Variants in GOLGA8A observed in about 807,000 individuals in gnomAD.
The protein encoded by GOLGA8A is golgin A8 family member A, also known as golgin subfamily A member 8A.
A neutral mutation model predicts 22.1 loss-of-function variants in GOLGA8A; 3 were observed. The ratio of observed to expected loss-of-function variants is 0.14; its 90% CI spans 0.06 to 0.35. GOLGA8A has a LOEUF of 0.35. Among genes scored for constraint, GOLGA8A ranks in the 10% least tolerant of loss-of-function variants. The probability of loss-of-function intolerance (pLI) is 1.00; values close to 1 mark genes in which losing one functional copy is unlikely to be tolerated. For missense variants in GOLGA8A, 16 were observed against 233.2 expected (o/e 0.07, Z 6.07); for synonymous variants, 7 against 91.7 (o/e 0.08, Z 5.28).
chr15:34,437,354 C>A lies in GOLGA8A; in HGVS notation c.-1212+44G>T, dbSNP rs555322127. On this transcript the variant is annotated intron_variant, in intron 1 of 24. Coordinates refer to ENST00000359187, the MANE Select transcript of GOLGA8A (RefSeq NM_181077.5). The stretch of plus-strand genomic sequence containing the variant: ...CCGCGGCGCCGCGGGCGGCCCAAGG[C>A]TGCCGCCGCCAGCGAGTCAGGCAGC... 7.7e-5 allele frequency: 11 copies of A among 143,086 alleles called. No individual in the cohort carries two copies. The East Asian group carries it at 2.3e-3, about 30-fold the overall frequency. 8.9% of individuals were successfully genotyped at this position (143,086 alleles called of 1,614,324 possible).
chr15:34,437,048 C>T (rs1413568360), intron 1 of GOLGA8A, among the ~76,000 whole-genome samples: 1 of 148,672 alleles, frequency 6.7e-6, no homozygotes, highest in African/African-American at 2.5e-5. Flanking sequence ...CCCGGCGAGA[C>T]GCGAGCGGGC....
intron 2 of GOLGA8A, among the ~76,000 whole-genome samples, chr15:34,423,325 C>A (rs1892856841): frequency 8.1e-6 from 1 of 123,368 alleles, no homozygotes. Context: ...AGTCCCAAGC[C>A]CCGAGCATCA....
At chr15:34,427,850 G>C (rs1167760137) in intron 2 of GOLGA8A, among the ~76,000 whole-genome samples, 1 of 148,350 alleles carries the variant, frequency 6.7e-6, no homozygotes, top group Non-Finnish European at 1.5e-5. Context: ...CTGGTGAGCA[G>C]GACAATCAGA....
intron 12 of GOLGA8A, among the ~76,000 whole-genome samples, chr15:34,386,411 T>C (rs62018274): frequency 0.15 from 18,785 of 122,976 alleles, 441 homozygotes; most frequent in Admixed American, 0.19. Flanking sequence ...AGGACTCGAG[T>C]AGGGGTGCCT....
Position 34,430,535 on chromosome 15 carries a change from T to C in GOLGA8A, c.-1123+4848A>G, listed in dbSNP as rs529005279. Among the ~76,000 whole-genome samples the C allele has an allele frequency of 4.7e-5, 7 of 148,946 alleles. 1 individual carries two copies. The Middle Eastern group carries it at 0.01, about 219-fold the overall frequency. The stretch of plus-strand genomic sequence containing the variant: ...TCTAGCAGTCAGGCCAGGTGGGAAG[T>C]GCAGGGACCTGTGGCCAAAATCGGC... On this transcript the variant is annotated intron_variant, in intron 2 of 24. Coordinates refer to ENST00000359187, the MANE Select transcript of GOLGA8A (RefSeq NM_181077.5).
chr15:34,435,934 T>A (rs1228127084), intron 1 of GOLGA8A, among the ~76,000 whole-genome samples: 1 of 149,072 alleles, frequency 6.7e-6, no homozygotes, highest in Admixed American at 6.8e-5. Context: ...CGTGTCCTTG[T>A]CACCCCAGCC....
At position 34,431,581 on chromosome 15, in the gene GOLGA8A, G is replaced by A. The variant is rs117547585; in HGVS notation, c.-1123+3802C>T. On this transcript the variant is annotated intron_variant, in intron 2 of 24. Transcript: ENST00000359187. The stretch of plus-strand genomic sequence containing the variant: ...CTGCAAAGCTAGGCAGCATGTTACT[G>A]TGCTGAATGTGTGTATCTAAACATA... Among the ~76,000 whole-genome samples, 1,194 of 147,080 alleles carry A rather than the reference G, an allele frequency of 8.1e-3. 77 individuals carry two copies. The highest frequency in any genetic ancestry group is 0.011 in the Non-Finnish European group (748 of 66,602).
intron 2 of GOLGA8A, among the ~76,000 whole-genome samples, chr15:34,428,096 CTT>C (rs879599948): frequency 5.1e-5 from 7 of 138,554 alleles, no homozygotes; most frequent in Admixed American, 1.5e-4. Context: ...AATCAGACTT[CTT>C]TTTTTTTTTT....
intron 2 of GOLGA8A, among the ~76,000 whole-genome samples, chr15:34,426,113 C>T (rs140903832): frequency 0.085 from 12,532 of 147,608 alleles, 1,304 homozygotes; most frequent in South Asian, 0.23. Flanking sequence ...ATCTATGCTA[C>T]GAAAACAACC....
chr15:34,429,204 G>A lies in GOLGA8A; in HGVS notation c.-1123+6179C>T, dbSNP rs568006177. ...CCCATGCTCTGAACTGTCCACTAGGGAAGCCAGCTGCAGAAATCACTCTCC... is the reference window on the plus strand; with the variant it reads ...CCCATGCTCTGAACTGTCCACTAGGAAAGCCAGCTGCAGAAATCACTCTCC... On this transcript the variant is annotated intron_variant, in intron 2 of 24. Coordinates refer to ENST00000359187, the MANE Select transcript of GOLGA8A (RefSeq NM_181077.5). 2.0e-5 allele frequency among the ~76,000 whole-genome samples: 3 copies of A among 147,800 alleles called. No homozygotes were observed. In the Admixed American group the frequency reaches 2.1e-4, roughly 10 times the overall value.
In GOLGA8A at chr15:34,428,448, G is replaced by A. The variant is rs142601066; in HGVS notation, c.-1123+6935C>T. On this transcript the variant is annotated intron_variant, in intron 2 of 24. Transcript: ENST00000359187. ...AGCAGCAGGCCTTTCCAGTTACAGCGCATGGAAGTAACAAAGGCAGCCTCA... is the reference window on the plus strand; with the variant it reads ...AGCAGCAGGCCTTTCCAGTTACAGCACATGGAAGTAACAAAGGCAGCCTCA... 1.2e-3 allele frequency among the ~76,000 whole-genome samples: 172 copies of A among 148,496 alleles called. 7 individuals carry two copies. The highest frequency in any genetic ancestry group is 2.0e-3 in the African/African-American group (79 of 40,220).
intron 2 of GOLGA8A, among the ~76,000 whole-genome samples, chr15:34,424,962 T>C (rs1892922612): frequency 7.0e-6 from 1 of 143,398 alleles, no homozygotes; most frequent in South Asian, 2.4e-4. Context: ...TAGCCAGGCG[T>C]GGTGGACCCC....
rs1168480663 is a variant in GOLGA8A at position 34,380,704 on chromosome 15, C to T, written c.*707G>A. ...GAACTGCCACAGTACACTGCTCATT[C>T]TTGGCACCGGAACAGATGAAACACA... On this transcript the variant is annotated 3_prime_UTR_variant, in exon 25 of 25. Transcript: ENST00000359187. 6.2e-6 allele frequency: 1 copy of T among 160,420 alleles called. No homozygotes were observed. The highest frequency in any genetic ancestry group is 5.7e-5 in the Admixed American group (1 of 17,506). The allele number at this position is 160,420 out of a possible 1,614,324, so 9.9% of individuals were successfully genotyped here.
At chr15:34,433,204 TG>T (rs139997406) in intron 2 of GOLGA8A, among the ~76,000 whole-genome samples, 4,599 of 148,858 alleles carry the variant, frequency 0.031, 374 homozygotes, top group Middle Eastern at 0.095. Flanking sequence ...AGGAGGCTTC[TG>T]GAAGGGAAAG....
intron 2 of GOLGA8A, among the ~76,000 whole-genome samples, chr15:34,428,201 C>T (rs1203530688): frequency 2.7e-5 from 4 of 147,244 alleles, no homozygotes; most frequent in Admixed American, 6.9e-5. Flanking sequence ...TTAAGCGATC[C>T]TCCCACCTCA....
intron 2 of GOLGA8A, among the ~76,000 whole-genome samples, chr15:34,425,224 A>G (rs1045923518): frequency 1.9e-4 from 28 of 148,246 alleles, no homozygotes; most frequent in Middle Eastern, 3.4e-3. Context: ...AAGCCACCGT[A>G]ACTTACACGG....
At position 34,437,380 on chromosome 15, in the gene GOLGA8A, C is replaced by T. The variant is rs1366489735; in HGVS notation, c.-1212+18G>A. On this transcript the variant is annotated intron_variant, in intron 1 of 24. Coordinates refer to ENST00000359187, the MANE Select transcript of GOLGA8A (RefSeq NM_181077.5). ...TGCCGCCGCCAGCGAGTCAGGCAGC[C>T]GAGGTTCCCCAGCTTACCTGGCCAG... is the stretch of plus-strand genomic sequence containing the variant. 1 of 142,350 alleles carries T rather than the reference C, an allele frequency of 7.0e-6. No individual in the cohort carries two copies. The highest frequency in any genetic ancestry group is 2.6e-5 in the African/African-American group (1 of 38,706). 8.8% of individuals were successfully genotyped at this position (142,350 alleles called of 1,614,324 possible).
chr15:34,406,620 TC>T (rs1267436501), intron 4 of GOLGA8A, 53 bp downstream of exon 4: 1 of 89,852 alleles, frequency 1.1e-5, no homozygotes, highest in African/African-American at 4.3e-5. Context: ...CTAGCATTTT[TC>T]AGCAACTTTC....
At chr15:34,426,755 G>C (rs1893001402) in intron 2 of GOLGA8A, among the ~76,000 whole-genome samples, 1 of 143,480 alleles carries the variant, frequency 7.0e-6, no homozygotes, top group African/African-American at 2.5e-5. Context: ...TTAAAACAGA[G>C]ACATCAAGCC....
Sources: allele counts gnomAD v4.1 joint callset (sites outside exome capture counted in the v4.1 genomes callset), GRCh38; gene constraint gnomAD v4.1.1; transcripts MANE v1.5; gene names NCBI Gene and HGNC (gene_info 2026-07-23, HGNC 2026-07-21).